STK32C: variants seen among roughly 807,000 people sequenced by gnomAD.
The protein encoded by STK32C is serine/threonine kinase 32C, also known as serine/threonine-protein kinase 32C.
STK32C carries 31 observed loss-of-function variants against 56.5 expected under a neutral mutation model. The observed-to-expected ratio is 0.55, with a 90% CI of 0.41 to 0.74. STK32C has a LOEUF of 0.74. STK32C is among the 30% of genes least tolerant of loss of function. STK32C has a pLI of 0.00. For missense variants in STK32C, 544 were observed against 676.9 expected (o/e 0.80, Z 2.18); for synonymous variants, 309 against 289.4 (o/e 1.07, Z -0.69).
At chr10:132,330,374 C>A in intron 1 of STK32C, 1 of 705,790 alleles carries the variant, frequency 1.4e-6, no homozygotes, top group Non-Finnish European at 2.7e-6. Flanking sequence ...AATCTTCCAT[C>A]CCCTTCGCCA....
At position 132,277,084 on chromosome 10, in the gene STK32C, T is replaced by TAAG. The variant is rs1459914007; in HGVS notation, c.262+30485_262+30487dup. On this transcript the variant is annotated intron_variant, in intron 1 of 11. Transcript: ENST00000298630. ...AAAGGCATTATTTCTAGACAGAGTG[T>TAAG]AAGACTCTGTTCTCTTTTATGTCTC... 2.0e-5 allele frequency among the ~76,000 whole-genome samples: 3 copies of TAAG among 152,366 alleles called. No individual in the cohort carries two copies. In the East Asian group the frequency reaches 5.8e-4, roughly 29 times the overall value.
chr10:132,295,710 T>A (rs1007392361), intron 1 of STK32C, among the ~76,000 whole-genome samples: 2 of 151,898 alleles, frequency 1.3e-5, no homozygotes, highest in Non-Finnish European at 2.9e-5. Flanking sequence ...ATGGCGAAAC[T>A]CTGTCTCGAC....
At chr10:132,270,057 G>T (rs145619106) in intron 1 of STK32C, among the ~76,000 whole-genome samples, 1 of 152,354 alleles carries the variant, frequency 6.6e-6, no homozygotes, top group East Asian at 1.9e-4. Context: ...CCTTGGGACA[G>T]CGTCCCCTCA....
intron 1 of STK32C, among the ~76,000 whole-genome samples, chr10:132,279,678 C>G (rs569922674): frequency 1.3e-5 from 2 of 150,190 alleles, no homozygotes; most frequent in Non-Finnish European, 3.0e-5. Flanking sequence ...CACTGCACTC[C>G]GTGATCACGA....
intron 2 of STK32C, among the ~76,000 whole-genome samples, chr10:132,230,378 G>A (rs1005769329): frequency 2.0e-5 from 3 of 152,214 alleles, no homozygotes; most frequent in African/African-American, 4.8e-5. Context: ...GCAGGAGGCC[G>A]AGGAGTCCCG....
chr10:132,301,286 T>C (rs908951443), intron 1 of STK32C, among the ~76,000 whole-genome samples: 1 of 151,984 alleles, frequency 6.6e-6, no homozygotes, highest in Non-Finnish European at 1.5e-5. Flanking sequence ...CCTCCACTAA[T>C]GTGAACCCAG....
exon 2 of STK32C, chr10:132,324,359 G>T: frequency 1.3e-6 from 1 of 778,858 alleles, no homozygotes; most frequent in Non-Finnish European, 2.4e-6. Flanking sequence ...GTCCTGGGGT[G>T]TGCTCTCAGA....
chr10:132,227,843 G>T, intron 3 of STK32C, 134 bp downstream of exon 3: 1 of 1,152,516 alleles, frequency 8.7e-7, no homozygotes, highest in Non-Finnish European at 1.2e-6. Flanking sequence ...AGGAGGGCTA[G>T]AGAGGGCCTG....
chr10:132,284,922 C>A (rs2065350676), intron 1 of STK32C, among the ~76,000 whole-genome samples: 1 of 141,970 alleles, frequency 7.0e-6, no homozygotes, highest in African/African-American at 2.6e-5. Context: ...CAGGCATGAA[C>A]CCAGAACACA....
At chr10:132,282,462 C>G (rs115611278) in intron 1 of STK32C, among the ~76,000 whole-genome samples, 1 of 125,908 alleles carries the variant, frequency 7.9e-6, no homozygotes, top group Non-Finnish European at 1.8e-5. Flanking sequence ...CCTGTGCCTG[C>G]GCCCACCTGT....
chr10:132,325,237 C>T (rs568269973), intron 1 of STK32C, among the ~76,000 whole-genome samples: 2 of 152,118 alleles, frequency 1.3e-5, no homozygotes, highest in East Asian at 3.9e-4. Flanking sequence ...ATAAGTCTCA[C>T]GAGATCTGAT....
chr10:132,275,723 T>C (rs1276282396), intron 1 of STK32C, among the ~76,000 whole-genome samples: 1 of 152,136 alleles, frequency 6.6e-6, no homozygotes, highest in Non-Finnish European at 1.5e-5. Flanking sequence ...CACCACCTTC[T>C]CTCAGGCTCC....
At chr10:132,245,706 C>G (rs933385437) in intron 2 of STK32C, among the ~76,000 whole-genome samples, 194 bp downstream of exon 2, 2 of 152,256 alleles carry the variant, frequency 1.3e-5, no homozygotes, top group Admixed American at 6.5e-5. Context: ...GGGGCCCAGT[C>G]TGATGGCGGC....
chr10:132,216,233 G>C (rs2062467071), intron 10 of STK32C, among the ~76,000 whole-genome samples: 1 of 152,214 alleles, frequency 6.6e-6, no homozygotes, highest in Non-Finnish European at 1.5e-5. Flanking sequence ...GGGAGGTTAA[G>C]GCAGGCAGAT....
chr10:132,274,805 G>A (rs542918637), intron 1 of STK32C, among the ~76,000 whole-genome samples: 16 of 152,308 alleles, frequency 1.1e-4, no homozygotes, highest in African/African-American at 3.1e-4. Context: ...GTCACCTGTC[G>A]CTCCGCCGCA....
At chr10:132,315,431 C>G (rs1005502692) in intron 1 of STK32C, among the ~76,000 whole-genome samples, 3 of 152,116 alleles carry the variant, frequency 2.0e-5, no homozygotes, top group Non-Finnish European at 4.4e-5. Context: ...ACATGTATAG[C>G]TATGTAACAA....
chr10:132,273,456 A>G (rs1375200448), intron 1 of STK32C, among the ~76,000 whole-genome samples: 6 of 152,228 alleles, frequency 3.9e-5, no homozygotes, highest in Non-Finnish European at 7.3e-5. Flanking sequence ...TGAGTGAATG[A>G]AAACACAGTG....
chr10:132,208,922 G>T, intron 11 of STK32C, 112 bp downstream of exon 11: 1 of 963,236 alleles, frequency 1.0e-6, no homozygotes. Context: ...AAGAGAGCAG[G>T]GCCACGCACC....
At chr10:132,217,498 T>C (rs762925838) in intron 10 of STK32C, among the ~76,000 whole-genome samples, 2 of 152,148 alleles carry the variant, frequency 1.3e-5, no homozygotes, top group Admixed American at 6.5e-5. Context: ...TGGGGGACTG[T>C]TGGGAAGGCA....
Sources: gnomAD v4.1 joint callset for allele counts (sites outside exome capture counted in the v4.1 genomes callset) on GRCh38, gnomAD v4.1.1 for gene constraint, MANE v1.5 for transcripts, NCBI Gene and HGNC (gene_info 2026-07-23, HGNC 2026-07-21) for gene names.